Variants in ZBTB11 observed in about 807,000 individuals in gnomAD.
The protein encoded by ZBTB11 is zinc finger and BTB domain containing 11, also known as zinc finger and BTB domain-containing protein 11.
In ZBTB11, 68 loss-of-function variants were observed where a neutral mutation model predicts 113.1. The ratio of observed to expected loss-of-function variants is 0.60; its 90% confidence interval spans 0.49 to 0.74. The LOEUF is 0.74. Among genes scored for constraint, ZBTB11 ranks in the 30% least tolerant of loss-of-function variants. The pLI is 0.00. For synonymous variants in ZBTB11, 518 were observed against 452.6 expected, an observed-to-expected ratio of 1.14 and a Z score of -1.83; for missense variants, 1,104 against 1,279.4, an observed-to-expected ratio of 0.86 and a Z score of 2.09.
At chr3:101,669,079 C>T (rs1315414745) in intron 3 of ZBTB11, among the ~76,000 whole-genome samples, 1 of 152,152 alleles carries the variant, frequency 6.6e-6, no homozygotes, top group Admixed American at 6.5e-5. Context: ...GTTGCCCAGG[C>T]TGGAGTGCAG....
chr3:101,669,768 T>C (rs1937054992), intron 3 of ZBTB11, among the ~76,000 whole-genome samples: 1 of 152,062 alleles, frequency 6.6e-6, no homozygotes, highest in Non-Finnish European at 1.5e-5. Flanking sequence ...GAGCCTAGGC[T>C]AGTTCTTTGT....
rs755674740 is a variant in ZBTB11 at position 101,665,551 on chromosome 3, T to G, written c.1036A>C (p.Ser346Arg). 1 of 1,614,128 alleles carries G rather than the reference T, an allele frequency of 6.2e-7. No individual in the cohort carries two copies. Among genetic ancestry groups the G allele is most frequent in the African/African-American group, 1.3e-5 (1 of 74,948 alleles). ...QNGGTAPPVA[S>R]SEGTTTSLPT... ...AAACTTGTTGTGGTTCCCTCACTGC[T>G]AGCAACAGGAGGTGCTGTACCTCCA... The change falls in exon 4 of 11, where the codon AGC (serine) becomes CGC (arginine). Residue 346 changes from serine to arginine, a missense_variant. Physicochemically the swap from Ser to Arg is moderately radical, Grantham distance 110. This residue lies in a region of ZBTB11 where 535 missense variants were observed against 518.6 expected (regional missense o/e 1.03). Coordinates refer to ENST00000312938, the MANE Select transcript of ZBTB11 (RefSeq NM_014415.4).
chr3:101,665,230 C>A lies in ZBTB11; in HGVS notation c.1357G>T (p.Asp453Tyr), dbSNP rs749160320. 6.2e-7 allele frequency: 1 copy of A among 1,614,200 alleles called. No individual in the cohort carries two copies. The highest frequency in any genetic ancestry group is 8.5e-7 in the Non-Finnish European group (1 of 1,180,038). ...GATATATCATTTCCCATACCACTATCCTCTGGCGAGCTACTAATTACATTC... is the reference window on the plus strand; with the variant it reads ...GATATATCATTTCCCATACCACTATACTCTGGCGAGCTACTAATTACATTC... ...KENVISSSPE[D>Y]SGMGNDISAE... The change falls in exon 4 of 11, where the codon GAT becomes TAT. Residue 453 changes from aspartate to tyrosine, a missense_variant. By Grantham distance (160) the Asp-to-Tyr change is radical. Coordinates refer to ENST00000312938, the MANE Select transcript of ZBTB11 (RefSeq NM_014415.4).
intron 3 of ZBTB11, among the ~76,000 whole-genome samples, chr3:101,667,229 G>T (rs1408428181): frequency 2.0e-5 from 3 of 152,132 alleles, no homozygotes; most frequent in Non-Finnish European, 4.4e-5. Context: ...TGAAGAGATG[G>T]AGGTCTCCCC....
rs757115834 is a variant in ZBTB11 at position 101,651,646 on chromosome 3, A to C, written c.2682T>G (p.Ala894=). 2 of 1,594,454 alleles carry C rather than the reference A, an allele frequency of 1.3e-6. No homozygotes were observed. The highest frequency in any genetic ancestry group is 2.7e-5 in the African/African-American group (2 of 73,922). ...GTTTTAGAGATCGGGCATCAGCCCA[A>C]GCTACTCCACATGTTAAGCACTCAA... ...KPFECLTCGV[A]WADARSLKRH... Residue 894 remains alanine, a synonymous_variant, in exon 11 of 11, where the codon GCT becomes GCG. Transcript: ENST00000312938.
intron 6 of ZBTB11, among the ~76,000 whole-genome samples, chr3:101,657,152 A>AC (rs1413730287): frequency 2.0e-5 from 3 of 150,876 alleles, no homozygotes; most frequent in South Asian, 4.2e-4. Context: ...AAAAAAAAAA[A>AC]AAAACAAAAA....
At chr3:101,657,150 A>AC (rs900850302) in intron 6 of ZBTB11, among the ~76,000 whole-genome samples, 36 of 150,914 alleles carry the variant, frequency 2.4e-4, no homozygotes, top group East Asian at 1.9e-3. Flanking sequence ...CAAAAAAAAA[A>AC]AAAAAACAAA....
rs770377472 is a variant in ZBTB11, at chr3:101,676,700, C to T, written c.215G>A (p.Arg72Gln). 2 of 1,597,624 alleles carry T rather than the reference C, an allele frequency of 1.3e-6. No individual in the cohort carries two copies. The highest frequency in any genetic ancestry group is 1.3e-5 in the African/African-American group (1 of 74,762). The change falls in exon 1 of 11, where the codon CGG (arginine) becomes CAG (glutamine). Residue 72 changes from arginine to glutamine, a missense_variant. By Grantham distance (43) the Arg-to-Gln change is conservative (BLOSUM62 1). This residue lies in a region of ZBTB11 where 245 missense variants were observed against 272.5 expected (regional missense o/e 0.90). Coordinates refer to ENST00000312938, the MANE Select transcript of ZBTB11 (RefSeq NM_014415.4). ...LEVVLQPERRRDLIEAAHLGP... is the reference protein window; with the variant it reads ...LEVVLQPERRQDLIEAAHLGP... ...CAGGTGCGCCGCCTCGATGAGGTCC[C>T]GGCGTCGCTCCGGCTGCAGCACCAC...
At chr3:101,660,757 G>C (rs891603386) in intron 5 of ZBTB11, among the ~76,000 whole-genome samples, 1 of 152,040 alleles carries the variant, frequency 6.6e-6, no homozygotes, top group African/African-American at 2.4e-5. Flanking sequence ...CAATTTCAAG[G>C]CTTACATTTT....
chr3:101,670,928 C>T lies in ZBTB11; in HGVS notation c.778+202G>A, dbSNP rs75223143. On this transcript the variant is annotated intron_variant, in intron 3 of 10. Coordinates refer to ENST00000312938, the MANE Select transcript of ZBTB11 (RefSeq NM_014415.4). ...TCTGCTATAATTGTCTCACTTAAGA[C>T]GTAGTGAAAGGAAATGACACCCTTT... 8.4e-3 allele frequency: 4,535 copies of T among 540,884 alleles called. 33 individuals carry two copies. Among genetic ancestry groups the T allele is most frequent in the Non-Finnish European group, 1.0e-2 (2,993 of 299,662 alleles). 33.5% of individuals were successfully genotyped at this position (540,884 alleles called of 1,614,324 possible). A position where few individuals can be genotyped will look rare whatever the true frequency, so the allele number is the denominator to read the frequency against.
intron 7 of ZBTB11, among the ~76,000 whole-genome samples, chr3:101,655,304 A>C (rs977458425): frequency 6.6e-6 from 1 of 152,264 alleles, no homozygotes; most frequent in East Asian, 1.9e-4. Flanking sequence ...TCCTGTCAAC[A>C]ACCATAGTAC....
intron 1 of ZBTB11, among the ~76,000 whole-genome samples, chr3:101,672,460 A>G (rs1937099004): frequency 6.6e-6 from 1 of 152,240 alleles, no homozygotes; most frequent in South Asian, 2.1e-4. Flanking sequence ...TAATCATAAG[A>G]TGACTATATA....
chr3:101,661,625 G>A (rs1238678251), intron 5 of ZBTB11, among the ~76,000 whole-genome samples: 2 of 152,152 alleles, frequency 1.3e-5, no homozygotes, highest in Non-Finnish European at 2.9e-5. Context: ...AAGCCATTCT[G>A]ATCCTTATCC....
rs1196483704 is a variant in ZBTB11, at chr3:101,659,992, G to A, written c.1837C>T (p.Arg613Ter). 1.9e-6 allele frequency: 3 copies of A among 1,613,984 alleles called. No individual in the cohort carries two copies. Among genetic ancestry groups the A allele is most frequent in the Non-Finnish European group, 2.5e-6 (3 of 1,179,984 alleles). Reference sequence around the variant, plus strand: ...CTGGTATGACGAATAAGATGTGCTCGCAAAGAGGCACTGTACTGAAACTGT... The same window carrying A: ...CTGGTATGACGAATAAGATGTGCTCACAAAGAGGCACTGTACTGAAACTGT... ...KKQFQYSASL[R>*]AHLIRHTRKD... The change falls in exon 6 of 11, where the codon CGA becomes TGA. Residue 613 changes from arginine to a stop codon, truncating the protein, a stop_gained. Coordinates refer to ENST00000312938, the MANE Select transcript of ZBTB11 (RefSeq NM_014415.4). LOFTEE classifies it high-confidence loss of function.
chr3:101,675,616 A>C (rs1453563069), intron 1 of ZBTB11, among the ~76,000 whole-genome samples: 4 of 152,240 alleles, frequency 2.6e-5, no homozygotes, highest in East Asian at 1.9e-4. Context: ...GATGGTTAAG[A>C]AGCCAAGGAC....
intron 5 of ZBTB11, among the ~76,000 whole-genome samples, chr3:101,662,636 A>C (rs780702525): frequency 1.1e-4 from 17 of 152,148 alleles, no homozygotes; most frequent in Non-Finnish European, 1.9e-4. Context: ...AACAAACAAA[A>C]AAACCCCACA....
chr3:101,673,978 G>A (rs977901797), intron 1 of ZBTB11, among the ~76,000 whole-genome samples: 1 of 151,324 alleles, frequency 6.6e-6, no homozygotes, highest in Admixed American at 6.6e-5. Flanking sequence ...TGACTTCTAC[G>A]GTGAAGAAAC....
chr3:101,657,327 G>A (rs1936816343), intron 6 of ZBTB11, among the ~76,000 whole-genome samples: 1 of 151,446 alleles, frequency 6.6e-6, no homozygotes, highest in Admixed American at 6.6e-5. Flanking sequence ...GCAACATGGT[G>A]AAACCCTGTC....
At position 101,659,249 on chromosome 3, in the gene ZBTB11, CAAA is replaced by C. The variant is rs577129956; in HGVS notation, c.2046+531_2046+533del. Among the ~76,000 whole-genome samples the C allele has an allele frequency of 8.9e-4, 136 of 152,210 alleles. 1 individual carries two copies. The highest frequency in any genetic ancestry group is 2.9e-3 in the African/African-American group (120 of 41,538). Reference sequence around the variant, plus strand: ...GAACAAGACCTTGTCTCAAAACAGACAAAAAAACCCAAACTGAGTCATACTCAT... The same window carrying C: ...GAACAAGACCTTGTCTCAAAACAGACAAAACCCAAACTGAGTCATACTCAT... On this transcript the variant is annotated intron_variant, in intron 6 of 10. Transcript: ENST00000312938.
Sources: gnomAD v4.1 joint callset for allele counts (sites outside exome capture counted in the v4.1 genomes callset) on GRCh38, gnomAD v4.1.1 for gene constraint, gnomAD v4.1.1 regional missense constraint, MANE v1.5 for transcripts, NCBI Gene and HGNC (gene_info 2026-07-23, HGNC 2026-07-21) for gene names.